The following RTL4 variants were observed in gnomAD, a reference collection of about 807,000 sequenced individuals.
The protein encoded by RTL4 is retrotransposon Gag-like protein 4.
Under a neutral mutation model 5.3 loss-of-function variants are expected in RTL4, and 4 were observed. The ratio of observed to expected loss-of-function variants is 0.75; its 90% confidence interval spans 0.37 to 1.72. The LOEUF is 1.72. RTL4 is among the 40% of genes most tolerant of loss of function. The probability of loss-of-function intolerance (pLI) is 0.04; values close to 1 mark genes in which losing one functional copy is unlikely to be tolerated. For synonymous variants in RTL4, 98 were observed against 87.3 expected (o/e 1.12, Z -0.68); for missense variants, 260 against 227.1 (o/e 1.14, Z -0.93).
the RTL4 span, among the ~76,000 whole-genome samples, chrX:112,321,148 G>A: frequency 9.0e-6 from 1 of 111,161 alleles, no homozygotes; most frequent in Non-Finnish European, 1.9e-5. Context: ...AGCTTCCCTA[G>A]GTATAATGAA....
upstream of RTL4, among the ~76,000 whole-genome samples, chrX:112,449,731 T>G (rs1031823957): frequency 8.9e-6 from 1 of 112,085 alleles, no homozygotes; most frequent in Non-Finnish European, 1.9e-5. Flanking sequence ...GCCTCTTACT[T>G]CAATATCATC....
chrX:112,442,772 A>T, the RTL4 span, among the ~76,000 whole-genome samples: 1 of 110,717 alleles, frequency 9.0e-6, no homozygotes, highest in Non-Finnish European at 1.9e-5. Context: ...TATTTTTTTA[A>T]TAATTTTTTA....
chrX:112,307,953 T>A, the RTL4 span, among the ~76,000 whole-genome samples: 7 of 111,666 alleles, frequency 6.3e-5, no homozygotes, highest in Non-Finnish European at 9.4e-5. Context: ...ATTAGCCCCA[T>A]TTGATAGATG....
the RTL4 span, among the ~76,000 whole-genome samples, chrX:112,328,003 G>A: frequency 9.4e-6 from 1 of 106,810 alleles, no homozygotes; most frequent in Non-Finnish European, 1.9e-5. Flanking sequence ...GCTCCTGAAG[G>A]AAGTGCTAAA....
At chrX:112,364,629 GA>G in the RTL4 span, among the ~76,000 whole-genome samples, 1 of 111,264 alleles carries the variant, frequency 9.0e-6, no homozygotes, top group Admixed American at 9.6e-5. Flanking sequence ...GCATTGCTGA[GA>G]AGAGCAGGAG....
the RTL4 span, among the ~76,000 whole-genome samples, chrX:112,109,105 T>C: frequency 8.9e-6 from 1 of 112,252 alleles, no homozygotes; most frequent in Admixed American, 9.4e-5. Flanking sequence ...CTTTTCTTAT[T>C]GCTGTGCTAC....
At chrX:112,335,546 G>A in the RTL4 span, among the ~76,000 whole-genome samples, 1 of 110,829 alleles carries the variant, frequency 9.0e-6, no homozygotes. Flanking sequence ...TGATATTTAA[G>A]GCTAAGTATT....
the RTL4 span, among the ~76,000 whole-genome samples, chrX:112,226,065 C>A: frequency 8.9e-6 from 1 of 112,147 alleles, no homozygotes; most frequent in Non-Finnish European, 1.9e-5. Context: ...CAAGCTGTCA[C>A]CAGCACCCTG....
chrX:112,271,876 C>T, the RTL4 span, among the ~76,000 whole-genome samples: 2 of 111,597 alleles, frequency 1.8e-5, no homozygotes, highest in African/African-American at 6.5e-5. Flanking sequence ...TTTATCCTTT[C>T]TTTGTGTTAC....
the RTL4 span, among the ~76,000 whole-genome samples, chrX:112,359,008 G>A: frequency 1.3e-4 from 15 of 111,480 alleles, no homozygotes; most frequent in South Asian, 5.3e-3. Flanking sequence ...CTGGGAGAAG[G>A]GAGTACAGTT....
chrX:112,403,278 G>C, the RTL4 span, among the ~76,000 whole-genome samples: 1 of 111,971 alleles, frequency 8.9e-6, no homozygotes, highest in Non-Finnish European at 1.9e-5. Context: ...TTTGTTGTGC[G>C]TAGGAACCAC....
chrX:112,220,229 T>C, the RTL4 span, among the ~76,000 whole-genome samples: 1 of 112,892 alleles, frequency 8.9e-6, no homozygotes, highest in South Asian at 3.6e-4. Flanking sequence ...CTAAATTGTA[T>C]TTCCTGAATT....
the RTL4 span, among the ~76,000 whole-genome samples, chrX:112,291,614 T>G: frequency 9.1e-6 from 1 of 110,001 alleles, no homozygotes; most frequent in Non-Finnish European, 1.9e-5. Context: ...TTCTTTTTTT[T>G]TTGACGGAGT....
At chrX:112,301,674 T>G in the RTL4 span, among the ~76,000 whole-genome samples, 1 of 110,755 alleles carries the variant, frequency 9.0e-6, no homozygotes. Flanking sequence ...CTAAAAGCAT[T>G]AGCTTTGGTT....
At chrX:112,438,916 G>A in the RTL4 span, among the ~76,000 whole-genome samples, 1 of 111,982 alleles carries the variant, frequency 8.9e-6, no homozygotes, top group Admixed American at 9.5e-5. Flanking sequence ...GTAATAGGGA[G>A]TGTTAAACTC....
At chrX:112,353,936 T>C in the RTL4 span, among the ~76,000 whole-genome samples, 1 of 111,398 alleles carries the variant, frequency 9.0e-6, no homozygotes, top group Non-Finnish European at 1.9e-5. Context: ...CAGCAAATAA[T>C]ACAATATTTA....
At chrX:112,148,102 G>A in the RTL4 span, among the ~76,000 whole-genome samples, 2 of 110,848 alleles carry the variant, frequency 1.8e-5, no homozygotes, top group Non-Finnish European at 3.8e-5. Flanking sequence ...TCTCCTTTTG[G>A]GGAGAAGGTG....
chrX:112,360,270 G>A, the RTL4 span, among the ~76,000 whole-genome samples: 1 of 111,229 alleles, frequency 9.0e-6, no homozygotes, highest in Non-Finnish European at 1.9e-5. Context: ...ATTTTTTGAA[G>A]TTCCAGATCC....
At chrX:112,426,248 A>G in the RTL4 span, among the ~76,000 whole-genome samples, 1,780 of 111,269 alleles carry the variant, frequency 0.016, 33 homozygotes, top group African/African-American at 0.056. Flanking sequence ...ATATAGGTCT[A>G]TTTCTGAGAT....
Sources: gnomAD v4.1 joint callset for allele counts (sites outside exome capture counted in the v4.1 genomes callset) on GRCh38, gnomAD v4.1.1 for gene constraint, MANE v1.5 for transcripts, NCBI Gene and HGNC (gene_info 2026-07-23, HGNC 2026-07-21) for gene names.